Variants in FES observed in about 807,000 individuals in gnomAD.
The protein encoded by FES is FES proto-oncogene, tyrosine kinase, also known as tyrosine-protein kinase Fes/Fps.
In FES, 83 loss-of-function variants were observed where a neutral mutation model predicts 109.6. The ratio of observed to expected loss-of-function variants is 0.76; its 90% CI spans 0.63 to 0.91. The LOEUF is 0.91. Among genes scored for constraint, FES ranks in the 40% least tolerant of loss-of-function variants. The pLI, the probability that FES is intolerant of heterozygous loss-of-function variation, is 0.00. For missense variants in FES, 943 were observed against 1,070.9 expected (o/e 0.88, Z 1.67); for synonymous variants, 458 against 442.1 (o/e 1.04, Z -0.45).
chr15:90,885,208 G>T lies in FES; in HGVS notation c.163G>T (p.Asp55Tyr). ...AGLLHHMSLQ[D>Y]SGGQSRAISP... The stretch of plus-strand genomic sequence containing the variant: ...ACTGCTTCACCACATGTCCCTGCAG[G>T]ACAGTGGGGGCCAGAGCCGGGCCAT... The change falls in exon 2 of 19, where the codon GAC becomes TAC. Residue 55 changes from aspartate (D) to tyrosine (Y), a missense_variant. By Grantham distance (160) the Asp-to-Tyr change is radical. Coordinates refer to ENST00000328850, the MANE Select transcript of FES (RefSeq NM_002005.4). 1.2e-6 allele frequency: 2 copies of T among 1,613,648 alleles called. No homozygotes were observed. The highest frequency in any genetic ancestry group is 4.5e-5 in the East Asian group (2 of 44,886).
chr15:90,893,492 G>A (rs996340147), intron 16 of FES, 78 bp downstream of exon 16: 7 of 1,500,306 alleles, frequency 4.7e-6, no homozygotes, highest in African/African-American at 4.2e-5. Flanking sequence ...AGGGCCCCCC[G>A]CTGGACCATC....
intron 14 of FES, 106 bp downstream of exon 14, chr15:90,892,931 G>A: frequency 7.3e-7 from 1 of 1,365,840 alleles, no homozygotes. Context: ...AGTCCTCGAG[G>A]CCCCCCATTG....
At position 90,890,017 on chromosome 15, in the gene FES, C is replaced by A. The variant is rs367766875; in HGVS notation, c.1049+55C>A. The A allele has an allele frequency of 4.8e-4, 761 of 1,594,552 alleles. 3 individuals carry two copies. In the African/African-American group the frequency reaches 6.5e-3, roughly 14 times the overall value. Reference sequence around the variant, plus strand: ...CTGGGCCTCCCTCCCTCCTACCTACCCTAACTGCTGCTGGCTACCCGCCGC... The same window carrying A: ...CTGGGCCTCCCTCCCTCCTACCTACACTAACTGCTGCTGGCTACCCGCCGC... On this transcript the variant is annotated intron_variant, in intron 8 of 18. Transcript: ENST00000328850.
At chr15:90,885,989 C>T (rs951429046) in intron 3 of FES, among the ~76,000 whole-genome samples, 3 of 152,198 alleles carry the variant, frequency 2.0e-5, no homozygotes, top group South Asian at 4.1e-4. Flanking sequence ...AGCAGCATGG[C>T]CCCCCGAAGG....
chr15:90,895,300 C>A, intron 18 of FES, 116 bp from the exon 19 acceptor site: 2 of 874,322 alleles, frequency 2.3e-6, no homozygotes, highest in Non-Finnish European at 3.2e-6. Context: ...GAGAACAGTG[C>A]ATCCTTCAGA....
rs1397739082 is a variant in FES at position 90,893,161 on chromosome 15, C to T, written c.1888C>T (p.Gln630Ter). ...TCTCATTGGTGTCTGCACCCAGAAGCAGCCCATCTACATCGTCATGGAGCT... is the reference window on the plus strand; with the variant it reads ...TCTCATTGGTGTCTGCACCCAGAAGTAGCCCATCTACATCGTCATGGAGCT... ...VRLIGVCTQK[Q>*]PIYIVMELVQ... Residue 630 changes from glutamine (Q) to a stop codon, truncating the protein, a stop_gained, in exon 15 of 19, where the codon CAG becomes TAG. Coordinates refer to ENST00000328850, the MANE Select transcript of FES (RefSeq NM_002005.4). LOFTEE classifies it high-confidence loss of function. The T allele has an allele frequency of 6.2e-7, 1 of 1,614,038 alleles. No homozygotes were observed.
chr15:90,893,746 A>T lies in FES; in HGVS notation c.2138A>T (p.Tyr713Phe). 1 of 1,611,072 alleles carries T rather than the reference A, an allele frequency of 6.2e-7. No homozygotes were observed. The highest frequency in any genetic ancestry group is 8.5e-7 in the Non-Finnish European group (1 of 1,178,692). Reference sequence around the variant, plus strand: ...TCCCGAGAGGAAGCCGATGGGGTCTATGCAGCCTCAGGGGGCCTCAGACAA... The same window carrying T: ...TCCCGAGAGGAAGCCGATGGGGTCTTTGCAGCCTCAGGGGGCCTCAGACAA... ...GMSREEADGV[Y>F]AASGGLRQVP... The change falls in exon 17 of 19, where the codon TAT becomes TTT. Residue 713 changes from tyrosine to phenylalanine, a missense_variant. By Grantham distance (22) the Tyr-to-Phe change is conservative (BLOSUM62 3). Transcript: ENST00000328850.
At position 90,885,251 on chromosome 15, in the gene FES, T is replaced by A. The variant is rs2032460142; in HGVS notation, c.206T>A (p.Ile69Asn). The change falls in exon 2 of 19, where the codon ATC (isoleucine) becomes AAC (asparagine). Residue 69 changes from isoleucine to asparagine, a missense_variant. Transcript: ENST00000328850. Reference protein sequence around the residue: ...QSRAISPDSPISQSWAEITSQ... With the variant: ...QSRAISPDSPNSQSWAEITSQ... Reference sequence around the variant, plus strand: ...CGGGCCATCAGCCCTGACAGCCCCATCAGTCAGGTGGGTCTCTATGGGACT... The same window carrying A: ...CGGGCCATCAGCCCTGACAGCCCCAACAGTCAGGTGGGTCTCTATGGGACT... The A allele has an allele frequency of 1.2e-6, 2 of 1,612,418 alleles. No homozygotes were observed. Among genetic ancestry groups the A allele is most frequent in the Non-Finnish European group, 1.7e-6 (2 of 1,179,748 alleles).
intron 14 of FES, 36 bp downstream of exon 14, chr15:90,892,861 A>G (rs2033358289): frequency 6.3e-7 from 1 of 1,593,024 alleles, no homozygotes; most frequent in Admixed American, 1.7e-5. Flanking sequence ...CGGGTCCCGC[A>G]TACACAGAGG....
At chr15:90,885,637 C>T (rs149479943) in intron 3 of FES, 52 bp downstream of exon 3, 19 of 1,579,018 alleles carry the variant, frequency 1.2e-5, no homozygotes, top group African/African-American at 9.5e-5. Flanking sequence ...TTTTGAGCCT[C>T]GAAGGGGTTG....
Position 90,891,135 on chromosome 15 carries a change from G to C in FES, c.1474G>C (p.Val492Leu). The C allele has an allele frequency of 6.4e-7, 1 of 1,574,546 alleles. No homozygotes were observed. The highest frequency in any genetic ancestry group is 8.6e-7 in the Non-Finnish European group (1 of 1,159,786). The change falls in exon 11 of 19, where the codon GTG (valine) becomes CTG (leucine). Residue 492 changes from valine to leucine, a missense_variant. Coordinates refer to ENST00000328850, the MANE Select transcript of FES (RefSeq NM_002005.4). ...GGAGAGCCAGGGCAAGCAGGAGTAC[G>C]TGCTGTCGGTGCTGTGGGATGGTCT... The part of the protein sequence containing the change: ...VRESQGKQEY[V>L]LSVLWDGLPR...
Position 90,895,618 on chromosome 15 carries a change from G to A in FES, c.*60G>A. ...CAGGCCTAGGTGCAGCTCCTCAGCG[G>A]CTCCAGCTCATATGCTGACAGCTCT... On this transcript the variant is annotated 3_prime_UTR_variant, in exon 19 of 19. Transcript: ENST00000328850. 1.1e-5 allele frequency: 15 copies of A among 1,425,538 alleles called. No individual in the cohort carries two copies. The highest frequency in any genetic ancestry group is 1.4e-5 in the Non-Finnish European group (15 of 1,075,008). The allele number at this position is 1,425,538 out of a possible 1,614,324, so 88.3% of individuals were successfully genotyped here. A position where few individuals can be genotyped will look rare whatever the true frequency, so the allele number is the denominator to read the frequency against.
chr15:90,887,434 C>T (rs1378743866), intron 5 of FES, 64 bp downstream of exon 5: 3 of 1,481,104 alleles, frequency 2.0e-6, no homozygotes, highest in Admixed American at 4.4e-5. Context: ...GCCATCAGGC[C>T]CAGAGGCAGG....
intron 11 of FES, 141 bp from the exon 12 acceptor site, chr15:90,891,413 T>G: frequency 1.7e-6 from 2 of 1,209,200 alleles, no homozygotes. Flanking sequence ...TCATGTGCCA[T>G]CAGATGGCAT....
At position 90,890,387 on chromosome 15, in the gene FES, G is replaced by T; in HGVS notation, c.1237-14G>T. On this transcript the variant is annotated splice_polypyrimidine_tract_variant and intron_variant, in intron 9 of 18. Coordinates refer to ENST00000328850, the MANE Select transcript of FES (RefSeq NM_002005.4). ...TAAGCCTGGCCACCCGCTGACGTCT[G>T]TCCCTGGCCTCAGGAGCAGGAGCGA... 1 of 1,612,162 alleles carries T rather than the reference G, an allele frequency of 6.2e-7. No homozygotes were observed. The highest frequency in any genetic ancestry group is 2.2e-5 in the East Asian group (1 of 44,870).
At chr15:90,890,917 G>A (rs777214342) in intron 10 of FES, 65 bp from the exon 11 acceptor site, 14 of 1,475,254 alleles carry the variant, frequency 9.5e-6, no homozygotes, top group South Asian at 2.5e-5. Context: ...AGAGACCCCC[G>A]GCTGCCCCCA....
intron 16 of FES, 61 bp from the exon 17 acceptor site, chr15:90,893,593 G>T: frequency 1.3e-6 from 2 of 1,521,390 alleles, no homozygotes; most frequent in Non-Finnish European, 8.8e-7. Context: ...TTCCTAGAGT[G>T]TTCAGCCAGG....
Position 90,889,586 on chromosome 15 carries a change from G to A in FES, c.876G>A (p.Glu292=), listed in dbSNP as rs778996657. ...TGCTTGAGGAGGGTGAACCGCTGGA[G>A]CCTGGGGAGCTCCAGCTGAACGAGC... ...ESLLEEGEPL[E]PGELQLNELT... Residue 292 remains glutamate, a synonymous_variant, in exon 7 of 19, where the codon GAG becomes GAA. Transcript: ENST00000328850. The surrounding 1 kb of genome is among the most constrained non-coding windows in gnomAD (Gnocchi z 6.1). 1.9e-6 allele frequency: 3 copies of A among 1,613,720 alleles called. No individual in the cohort carries two copies. The highest frequency in any genetic ancestry group is 1.1e-5 in the South Asian group (1 of 91,076).
Position 90,891,536 on chromosome 15 carries a change from G to A in FES, c.1531-18G>A, listed in dbSNP as rs1348506251. On this transcript the variant is annotated intron_variant, in intron 11 of 18. Transcript: ENST00000328850. ...CCTCAGAATGGAGGCTGCTGACCCC[G>A]GGTCCCCTGCCCTGCAGAACCTGTA... The A allele has an allele frequency of 1.2e-5, 19 of 1,612,880 alleles. No individual in the cohort carries two copies. Among genetic ancestry groups the A allele is most frequent in the Middle Eastern group, 1.7e-4 (1 of 6,016 alleles).
Sources: allele counts gnomAD v4.1 joint callset (sites outside exome capture counted in the v4.1 genomes callset), GRCh38; gene constraint gnomAD v4.1.1; non-coding constraint Gnocchi (gnomAD v3.1); transcripts MANE v1.5; gene names NCBI Gene and HGNC (gene_info 2026-07-23, HGNC 2026-07-21).